Variants in CEP170B observed in about 807,000 individuals in gnomAD.
CEP170B encodes the protein centrosomal protein 170B, also known as centrosomal protein of 170 kDa protein B.
CEP170B carries 55 observed loss-of-function variants against 120.6 expected under a neutral mutation model. The ratio of observed to expected loss-of-function variants is 0.46; its 90% CI spans 0.37 to 0.57. The LOEUF (loss-of-function observed/expected upper bound fraction) is 0.57, where lower values mean the gene tolerates loss of function less well. CEP170B is among the 20% of genes least tolerant of loss of function. CEP170B has a pLI of 0.00. For missense variants in CEP170B, 2,212 were observed against 2,253.3 expected, an observed-to-expected ratio of 0.98 and a Z score of 0.37; for synonymous variants, 1,033 against 954.5, an observed-to-expected ratio of 1.08 and a Z score of -1.52.
chr14:104,893,838 C>T lies in CEP170B; in HGVS notation c.4260C>T (p.Ala1420=), dbSNP rs373735819. The change falls in exon 16 of 19, where the codon GCC becomes GCT. Residue 1420 remains alanine (A), a synonymous_variant. Transcript: ENST00000414716. The part of the protein sequence containing the change: ...QAIRENTEHL[A]EKMKILFQNT... Reference sequence around the variant, plus strand: ...TCCGTGAGAACACAGAGCACCTTGCCGAGAAGATGAAGTGAGTCGGCTTCC... The same window carrying T: ...TCCGTGAGAACACAGAGCACCTTGCTGAGAAGATGAAGTGAGTCGGCTTCC... 9.9e-6 allele frequency: 16 copies of T among 1,612,032 alleles called. No individual in the cohort carries two copies. Among genetic ancestry groups the T allele is most frequent in the Middle Eastern group, 1.6e-4 (1 of 6,084 alleles).
intron 15 of CEP170B, 40 bp downstream of exon 15, chr14:104,893,706 G>C (rs777136492): frequency 3.2e-6 from 5 of 1,585,460 alleles, no homozygotes; most frequent in East Asian, 2.3e-5. Flanking sequence ...GGTGTGGGGG[G>C]AGCAGGGGCG....
At chr14:104,888,098 C>T (rs1896619618) in intron 12 of CEP170B, 120 bp downstream of exon 12, 3 of 1,138,672 alleles carry the variant, frequency 2.6e-6, no homozygotes, top group African/African-American at 3.1e-5. Context: ...AGAGGAGCCT[C>T]TGTTCCCAAA....
chr14:104,874,646 C>A (rs1342427455), intron 2 of CEP170B, among the ~76,000 whole-genome samples: 1 of 152,042 alleles, frequency 6.6e-6, no homozygotes, highest in African/African-American at 2.4e-5. Flanking sequence ...TCCTCGCCAC[C>A]CTCCACTGTA....
intron 6 of CEP170B, among the ~76,000 whole-genome samples, chr14:104,882,490 G>A (rs1383219345): frequency 6.6e-6 from 1 of 151,540 alleles, no homozygotes; most frequent in Admixed American, 6.6e-5. Context: ...CAGGCAGGGA[G>A]CCTCTAAGCA....
At position 104,887,048 on chromosome 14, in the gene CEP170B, T is replaced by G. The variant is rs1199420043; in HGVS notation, c.2809T>G (p.Cys937Gly). ...CCTCTCTAATTCTGTGGATGCCGAG[T>G]GTGAGGGGGGCAGCACCCCGAGGCC... ...RLLSNSVDAE[C>G]EGGSTPRPPE... The change falls in exon 12 of 19, where the codon TGT becomes GGT. Residue 937 changes from cysteine (C) to glycine (G), a missense_variant. By Grantham distance (159) the Cys-to-Gly change is radical (BLOSUM62 -3). Around this residue, in one of 2 missense-constraint regions of CEP170B, gnomAD observed 2,166 missense variants for 2,166.7 expected, o/e 1.00. Transcript: ENST00000414716. 1 of 1,611,184 alleles carries G rather than the reference T, an allele frequency of 6.2e-7. No individual in the cohort carries two copies. Among genetic ancestry groups the G allele is most frequent in the Non-Finnish European group, 8.5e-7 (1 of 1,179,770 alleles).
chr14:104,871,607 A>C (rs899497181), intron 2 of CEP170B, among the ~76,000 whole-genome samples: 1 of 152,116 alleles, frequency 6.6e-6, no homozygotes. Flanking sequence ...TCCACTGCAG[A>C]GAGGGGCCAG....
chr14:104,871,579 C>T (rs1221846778), intron 2 of CEP170B, among the ~76,000 whole-genome samples: 1 of 152,186 alleles, frequency 6.6e-6, no homozygotes, highest in Non-Finnish European at 1.5e-5. Context: ...CAAGCAGAGA[C>T]CCTGCCCTCC....
Position 104,896,459 on chromosome 14 carries a change from T to C in CEP170B, c.*1501T>C. On this transcript the variant is annotated 3_prime_UTR_variant, in exon 19 of 19. Transcript: ENST00000414716. ...GCATGCCCCAGTTGCCCACCCCGCC[T>C]GCCCCTGGACATGAAGTGGTCACGC... 1 of 390,874 alleles carries C rather than the reference T, an allele frequency of 2.6e-6. No individual in the cohort carries two copies. The highest frequency in any genetic ancestry group is 5.2e-6 in the Non-Finnish European group (1 of 193,148). 24.2% of individuals were successfully genotyped at this position (390,874 alleles called of 1,614,324 possible). A position where few individuals can be genotyped will look rare whatever the true frequency, so the allele number is the denominator to read the frequency against.
rs1367077422 is a variant in CEP170B, at chr14:104,867,227, C to T, written c.-27-1197C>T. ...ATGTGAGGCCCTCCATCCCTCTGCC[C>T]TGTCCCTCTGCCCTGGTGGCACCAG... On this transcript the variant is annotated intron_variant, in intron 1 of 18. Transcript: ENST00000414716. This position sits in a 1 kb window ranked among gnomAD's most constrained non-coding sequence, Gnocchi z 5.4. Among the ~76,000 whole-genome samples the T allele has an allele frequency of 6.6e-6, 1 of 152,158 alleles. No homozygotes were observed. Among genetic ancestry groups the T allele is most frequent in the African/African-American group, 2.4e-5 (1 of 41,434 alleles).
intron 9 of CEP170B, 21 bp from the exon 10 acceptor site, chr14:104,885,348 G>C (rs779857675): frequency 4.7e-5 from 73 of 1,540,966 alleles, no homozygotes; most frequent in Admixed American, 1.9e-4. Flanking sequence ...CTCGGTGCCT[G>C]GGACCATTTC....
Position 104,865,863 on chromosome 14 carries a change from T to G in CEP170B, c.-28+350T>G, listed in dbSNP as rs1317424138. 1.3e-5 allele frequency among the ~76,000 whole-genome samples: 2 copies of G among 151,862 alleles called. No individual in the cohort carries two copies. Among genetic ancestry groups the G allele is most frequent in the Admixed American group, 6.6e-5 (1 of 15,248 alleles). ...CCGCCGGGCCCGGCCGCCTCCCTCC[T>G]GGCCTGGTCTCTCCTCCCGCGGTCC... On this transcript the variant is annotated intron_variant, in intron 1 of 18. Transcript: ENST00000414716. The surrounding 1 kb of genome is among the most constrained non-coding windows in gnomAD (Gnocchi z 6.7).
In CEP170B at chr14:104,883,223, G is replaced by A. The variant is rs1316724133; in HGVS notation, c.766G>A (p.Gly256Arg). 4.3e-6 allele frequency: 7 copies of A among 1,611,194 alleles called. No individual in the cohort carries two copies. The highest frequency in any genetic ancestry group is 5.1e-6 in the Non-Finnish European group (6 of 1,179,496). Residue 256 changes from glycine (G) to arginine (R), a missense_variant, in exon 8 of 19, where the codon GGG becomes AGG. Transcript: ENST00000414716. ...GCCCACGAAGGATGCAGAGGCAGGT[G>A]GGGGCGGAGCGGCCCCTGTGGTGCA... ...EMPTKDAEAG[G>R]GGAAPVVQSH...
At chr14:104,876,441 C>T in intron 3 of CEP170B, 96 bp downstream of exon 3, 1 of 1,153,790 alleles carries the variant, frequency 8.7e-7, no homozygotes, top group Non-Finnish European at 1.3e-6. Context: ...AGTCATAGCC[C>T]CTCCCTCTCA....
Position 104,883,422 on chromosome 14 carries a change from A to T in CEP170B, c.965A>T (p.Asp322Val), listed in dbSNP as rs766569477. 1.7e-5 allele frequency: 26 copies of T among 1,573,092 alleles called. No homozygotes were observed. Among genetic ancestry groups the T allele is most frequent in the Non-Finnish European group, 2.2e-5 (26 of 1,161,034 alleles). The change falls in exon 8 of 19, where the codon GAC becomes GTC. Residue 322 changes from aspartate (D) to valine (V), a missense_variant. This residue lies in a region of CEP170B where 2,166 missense variants were observed against 2,166.7 expected (regional missense o/e 1.00). Transcript: ENST00000414716. ...TKVADWLVQN[D>V]PSLLHRVGPG... ...GTGGCCGACTGGCTGGTGCAGAATG[A>T]CCCGAGCCTGCTGCACCGGGTTGGC... is the stretch of plus-strand genomic sequence containing the variant.
At position 104,886,708 on chromosome 14, in the gene CEP170B, G is replaced by C. The variant is rs751904524; in HGVS notation, c.2469G>C (p.Gly823=). 1.4e-5 allele frequency: 23 copies of C among 1,592,364 alleles called. No homozygotes were observed. The highest frequency in any genetic ancestry group is 2.7e-5 in the African/African-American group (2 of 74,566). Residue 823 remains glycine, a synonymous_variant, in exon 12 of 19, where the codon GGG becomes GGC. Transcript: ENST00000414716. ...LAAPGDGEGL[G]QTAQPSPPAR... is the part of the protein sequence containing the mutation. Reference sequence around the variant, plus strand: ...CTCCAGGGGATGGGGAGGGCCTAGGGCAGACAGCCCAGCCCAGCCCCCCAG... The same window carrying C: ...CTCCAGGGGATGGGGAGGGCCTAGGCCAGACAGCCCAGCCCAGCCCCCCAG...
Position 104,868,263 on chromosome 14 carries a change from A to G in CEP170B, c.-27-161A>G, listed in dbSNP as rs1158160205. Among the ~76,000 whole-genome samples, 1 of 152,144 alleles carries G rather than the reference A, an allele frequency of 6.6e-6. No homozygotes were observed. Among genetic ancestry groups the G allele is most frequent in the African/African-American group, 2.4e-5 (1 of 41,422 alleles). ...AGGCCTGGCAGTGGGACTCGGGACC[A>G]TACCCAGGGAGGGCGGGTGGCCTGA... On this transcript the variant is annotated intron_variant, in intron 1 of 18. Transcript: ENST00000414716. The surrounding 1 kb of genome is among the most constrained non-coding windows in gnomAD (Gnocchi z 5.9).
In CEP170B at chr14:104,868,973, C is replaced by T. The variant is rs988184093; in HGVS notation, c.105+418C>T. Among the ~76,000 whole-genome samples, 1 of 152,150 alleles carries T rather than the reference C, an allele frequency of 6.6e-6. No individual in the cohort carries two copies. The highest frequency in any genetic ancestry group is 1.5e-5 in the Non-Finnish European group (1 of 68,018). On this transcript the variant is annotated intron_variant, in intron 2 of 18. Transcript: ENST00000414716. The surrounding 1 kb of genome is among the most constrained non-coding windows in gnomAD (Gnocchi z 5.9). ...GGCCCCGTCTATGCTGTGAGTGCTG[C>T]CTGAGCGGGGGTCCCAGTATCTTGG...
intron 13 of CEP170B, 37 bp from the exon 14 acceptor site, chr14:104,892,939 T>C (rs61996015): frequency 2.6e-6 from 4 of 1,550,340 alleles, no homozygotes; most frequent in Non-Finnish European, 3.5e-6. Flanking sequence ...CCCGACTTCC[T>C]CTGTGCAGAA....
intron 5 of CEP170B, 39 bp from the exon 6 acceptor site, chr14:104,880,248 G>A: frequency 6.4e-7 from 1 of 1,560,516 alleles, no homozygotes. Context: ...TCCTCCTGAG[G>A]CTGGGCCCAG....
Sources: allele counts gnomAD v4.1 joint callset (sites outside exome capture counted in the v4.1 genomes callset), GRCh38; gene constraint gnomAD v4.1.1; regional missense constraint gnomAD v4.1.1; non-coding constraint Gnocchi (gnomAD v3.1); transcripts MANE v1.5; gene names NCBI Gene and HGNC (gene_info 2026-07-23, HGNC 2026-07-21).